The following ARHGAP42 variants were observed in gnomAD, a reference collection of about 807,000 sequenced individuals.
ARHGAP42 encodes rho GTPase-activating protein 42.
ARHGAP42 carries 63 observed loss-of-function variants against 125.0 expected under a neutral mutation model. That is an observed-to-expected ratio of 0.50 (90% CI 0.41 to 0.62). ARHGAP42 has a LOEUF of 0.62. ARHGAP42 is among the 20% of genes least tolerant of loss of function. The pLI, the probability that ARHGAP42 is intolerant of heterozygous loss-of-function variation, is 0.00. For missense variants in ARHGAP42, 766 were observed against 1,024.2 expected, an observed-to-expected ratio of 0.75 and a Z score of 3.44; for synonymous variants, 339 against 351.0, an observed-to-expected ratio of 0.97 and a Z score of 0.38.
At chr11:100,801,597 T>TTTTTG (rs1863852767) in intron 3 of ARHGAP42, among the ~76,000 whole-genome samples, 1 of 152,240 alleles carries the variant, frequency 6.6e-6, no homozygotes, top group African/African-American at 2.4e-5. Context: ...TTGAGGATTT[T>TTTTTG]TTTTGTTTTG....
intron 4 of ARHGAP42, among the ~76,000 whole-genome samples, chr11:100,884,881 G>C (rs1442020058): frequency 6.6e-6 from 1 of 152,166 alleles, no homozygotes; most frequent in Non-Finnish European, 1.5e-5. Context: ...CATTTGAATT[G>C]AGAATCATTT....
At chr11:100,698,544 G>T (rs532027556) in intron 1 of ARHGAP42, among the ~76,000 whole-genome samples, 7 of 152,180 alleles carry the variant, frequency 4.6e-5, no homozygotes, top group African/African-American at 1.7e-4. Flanking sequence ...GCATGGTGGC[G>T]CATGCCTGTA....
At chr11:100,687,996 A>T in intron 1 of ARHGAP42, 164 bp downstream of exon 1, 1 of 742,242 alleles carries the variant, frequency 1.3e-6, no homozygotes, top group Admixed American at 3.1e-5. Context: ...TTTGTTCTTG[A>T]GGTGTTCTTT....
chr11:100,748,686 T>C (rs1735431546), intron 1 of ARHGAP42, among the ~76,000 whole-genome samples: 1 of 152,226 alleles, frequency 6.6e-6, no homozygotes, highest in East Asian at 1.9e-4. Flanking sequence ...TGCTAATAGA[T>C]TGAATGCATT....
chr11:100,901,773 C>T (rs193097072), intron 4 of ARHGAP42, among the ~76,000 whole-genome samples: 158 of 152,352 alleles, frequency 1.0e-3, no homozygotes, highest in Non-Finnish European at 1.7e-3. Context: ...TTGGGAAAAA[C>T]ACAGTATTTG....
At chr11:100,882,279 T>C (rs189330323) in intron 4 of ARHGAP42, among the ~76,000 whole-genome samples, 23 of 152,280 alleles carry the variant, frequency 1.5e-4, no homozygotes, top group Admixed American at 1.3e-3. Flanking sequence ...GTATGCCAAT[T>C]TTGCTGAGAG....
intron 3 of ARHGAP42, among the ~76,000 whole-genome samples, chr11:100,816,443 G>A (rs1340978302): frequency 1.3e-5 from 2 of 152,164 alleles, no homozygotes; most frequent in Non-Finnish European, 2.9e-5. Flanking sequence ...ACGGTTAACA[G>A]AGAGTGAATA....
Position 100,808,641 on chromosome 11 carries a change from A to G in ARHGAP42, c.312+13475A>G, listed in dbSNP as rs550925394. ...AGGATGGTCTCGATCTCCTGACCTC[A>G]TGATCCACCCGCCTCGGCCTCCCAA... On this transcript the variant is annotated intron_variant, in intron 3 of 23. Transcript: ENST00000298815. Among the ~76,000 whole-genome samples the G allele has an allele frequency of 3.2e-3, 478 of 151,242 alleles. 2 individuals are homozygous for G. The highest frequency in any genetic ancestry group is 5.8e-3 in the Non-Finnish European group (391 of 67,770).
intron 12 of ARHGAP42, among the ~76,000 whole-genome samples, chr11:100,951,249 TA>T (rs1857640154): frequency 6.6e-6 from 1 of 152,098 alleles, no homozygotes; most frequent in African/African-American, 2.4e-5. Context: ...AATAATATTT[TA>T]AAAAACTATT....
At chr11:100,943,324 C>T (rs1241442925) in intron 9 of ARHGAP42, among the ~76,000 whole-genome samples, 2 of 151,948 alleles carry the variant, frequency 1.3e-5, no homozygotes, top group African/African-American at 4.8e-5. Context: ...AATACAAAGA[C>T]ACACATATGA....
intron 4 of ARHGAP42, among the ~76,000 whole-genome samples, chr11:100,907,000 A>C (rs780500980): frequency 3.9e-5 from 6 of 152,202 alleles, no homozygotes; most frequent in Non-Finnish European, 8.8e-5. Flanking sequence ...CATCTCATTG[A>C]GAGATACACC....
Position 100,749,177 on chromosome 11 carries a change from C to T in ARHGAP42, c.155-21166C>T, listed in dbSNP as rs761023017. On this transcript the variant is annotated intron_variant, in intron 1 of 23. Coordinates refer to ENST00000298815, the MANE Select transcript of ARHGAP42 (RefSeq NM_152432.4). ...GAGTTCTGAATACTTTTCTTACTAC[C>T]GAAGGCTTATGTGAGGTTCAACCCC... Among the ~76,000 whole-genome samples the T allele has an allele frequency of 7.1e-4, 108 of 152,114 alleles. 1 individual carries two copies. Among genetic ancestry groups the T allele is most frequent in the Middle Eastern group, 3.2e-3 (1 of 316 alleles).
chr11:100,965,996 C>A (rs568561733), intron 17 of ARHGAP42, among the ~76,000 whole-genome samples: 2 of 152,040 alleles, frequency 1.3e-5, no homozygotes, highest in East Asian at 3.9e-4. Flanking sequence ...ATAATTATAT[C>A]CTTTGCAATT....
intron 3 of ARHGAP42, among the ~76,000 whole-genome samples, chr11:100,844,853 A>G (rs1865024503): frequency 6.6e-6 from 1 of 152,164 alleles, no homozygotes; most frequent in Non-Finnish European, 1.5e-5. Flanking sequence ...GATGTAAACT[A>G]GTATAACCAC....
intron 1 of ARHGAP42, among the ~76,000 whole-genome samples, chr11:100,709,287 G>T (rs540524240): frequency 1.3e-5 from 2 of 152,056 alleles, no homozygotes; most frequent in Admixed American, 6.6e-5. Context: ...TGATCTGCCC[G>T]CCTTGGCCTC....
At chr11:100,960,076 TG>T in intron 13 of ARHGAP42, 131 bp downstream of exon 13, 1 of 771,538 alleles carries the variant, frequency 1.3e-6, no homozygotes, top group East Asian at 2.7e-5. Flanking sequence ...GTAATATAAA[TG>T]TATGTATCGG....
chr11:100,806,295 A>G (rs755711492), intron 3 of ARHGAP42, among the ~76,000 whole-genome samples: 9 of 152,162 alleles, frequency 5.9e-5, no homozygotes, highest in Non-Finnish European at 1.0e-4. Flanking sequence ...TTGATGAAAG[A>G]TTTCCCTTTA....
chr11:100,751,776 T>C (rs1008011760), intron 1 of ARHGAP42, among the ~76,000 whole-genome samples: 2 of 115,332 alleles, frequency 1.7e-5, no homozygotes, highest in Admixed American at 1.7e-4. Flanking sequence ...CAGGCACCTT[T>C]TTTTTTTTTT....
intron 2 of ARHGAP42, among the ~76,000 whole-genome samples, chr11:100,779,222 G>T (rs1436989179): frequency 2.0e-5 from 3 of 151,558 alleles, no homozygotes; most frequent in Non-Finnish European, 4.4e-5. Flanking sequence ...CAAGGTGGGT[G>T]GATCACCTGA....
Sources: gnomAD v4.1 joint callset for allele counts (sites outside exome capture counted in the v4.1 genomes callset) on GRCh38, gnomAD v4.1.1 for gene constraint, MANE v1.5 for transcripts, NCBI Gene and HGNC (gene_info 2026-07-23, HGNC 2026-07-21) for gene names.